The following IMMP2L variants were observed in gnomAD, a reference collection of about 807,000 sequenced individuals.
IMMP2L encodes mitochondrial inner membrane protease subunit 2.
A neutral mutation model predicts 19.3 loss-of-function variants in IMMP2L; 18 were observed. The observed-to-expected ratio is 0.93, with a 90% CI of 0.64 to 1.38. The LOEUF is 1.38. Ranked by LOEUF, IMMP2L falls within the 40% of genes most tolerant of loss-of-function variation. IMMP2L has a pLI of 0.00. For missense variants in IMMP2L, 233 were observed against 218.2 expected (o/e 1.07, Z -0.43); for synonymous variants, 76 against 73.0 (o/e 1.04, Z -0.21).
At chr7:111,424,279 A>G (rs1835866190) in intron 3 of IMMP2L, among the ~76,000 whole-genome samples, 1 of 151,784 alleles carries the variant, frequency 6.6e-6, no homozygotes, top group Non-Finnish European at 1.5e-5. Flanking sequence ...ATATCTGTTT[A>G]AGTAGCCAGG....
chr7:111,061,065 C>T (rs1280892343), intron 3 of IMMP2L, among the ~76,000 whole-genome samples: 1 of 152,154 alleles, frequency 6.6e-6, no homozygotes, highest in Non-Finnish European at 1.5e-5. Context: ...TTCATGGTTG[C>T]ATTCCTAAAA....
intron 1 of IMMP2L, among the ~76,000 whole-genome samples, chr7:111,526,041 G>A (rs1437440456): frequency 6.6e-6 from 1 of 151,454 alleles, no homozygotes; most frequent in African/African-American, 2.4e-5. Flanking sequence ...GGTAAAAGCA[G>A]TAACATATAT....
intron 4 of IMMP2L, among the ~76,000 whole-genome samples, chr7:110,914,701 C>G (rs1276171766): frequency 4.6e-5 from 7 of 152,144 alleles, no homozygotes; most frequent in African/African-American, 1.2e-4. Context: ...TCTTATTCTT[C>G]TCAATGCCTC....
chr7:111,282,257 G>T (rs1213550319), intron 3 of IMMP2L, among the ~76,000 whole-genome samples: 1 of 152,158 alleles, frequency 6.6e-6, no homozygotes, highest in Non-Finnish European at 1.5e-5. Flanking sequence ...CGTGAAACTG[G>T]TTAAACAAAT....
intron 3 of IMMP2L, among the ~76,000 whole-genome samples, chr7:111,080,690 A>G (rs1241508135): frequency 2.0e-5 from 3 of 152,144 alleles, no homozygotes; most frequent in Non-Finnish European, 4.4e-5. Context: ...GGATCATCTT[A>G]TAAATGCTGA....
chr7:111,557,942 A>G (rs1264340621), intron 1 of IMMP2L, among the ~76,000 whole-genome samples: 1 of 152,134 alleles, frequency 6.6e-6, no homozygotes, highest in Admixed American at 6.5e-5. Context: ...AAGAACGTAC[A>G]GACATCTTTA....
At chr7:111,097,286 C>A (rs899206646) in intron 3 of IMMP2L, 1 of 151,958 alleles carries the variant, frequency 6.6e-6, no homozygotes, top group Non-Finnish European at 1.5e-5. Context: ...ATTAAGCCCC[C>A]TAACGTGAAG....
chr7:111,338,836 G>A (rs1826728011), intron 3 of IMMP2L, among the ~76,000 whole-genome samples: 1 of 152,058 alleles, frequency 6.6e-6, no homozygotes, highest in Non-Finnish European at 1.5e-5. Context: ...CCCCAATATT[G>A]CATGCATGTG....
At chr7:110,956,157 C>G (rs2045796409) in intron 4 of IMMP2L, among the ~76,000 whole-genome samples, 1 of 151,904 alleles carries the variant, frequency 6.6e-6, no homozygotes, top group Non-Finnish European at 1.5e-5. Context: ...TTGCTAATAC[C>G]AGAAAGTTGT....
At chr7:111,222,326 A>T (rs1812605358) in intron 3 of IMMP2L, among the ~76,000 whole-genome samples, 1 of 152,016 alleles carries the variant, frequency 6.6e-6, no homozygotes, top group Non-Finnish European at 1.5e-5. Context: ...ACAAAACAAA[A>T]AAACTCTGCC....
intron 1 of IMMP2L, among the ~76,000 whole-genome samples, chr7:111,548,644 T>C (rs555205678): frequency 1.1e-4 from 17 of 152,266 alleles, no homozygotes; most frequent in African/African-American, 4.1e-4. Flanking sequence ...AGTGTATAGT[T>C]TTTTTTATAA....
At chr7:110,788,011 G>C (rs1392846678) in intron 5 of IMMP2L, among the ~76,000 whole-genome samples, 2 of 151,966 alleles carry the variant, frequency 1.3e-5, no homozygotes, top group East Asian at 3.9e-4. Context: ...GCCTGCTCAA[G>C]GACTTTGCTC....
chr7:111,397,424 T>C (rs1034015577), intron 3 of IMMP2L, among the ~76,000 whole-genome samples: 9 of 152,152 alleles, frequency 5.9e-5, no homozygotes, highest in Admixed American at 1.3e-4. Flanking sequence ...CATCCCTTTA[T>C]CTTTGCTCTG....
In IMMP2L at chr7:111,186,483, C is replaced by T. The variant is rs1484266903; in HGVS notation, c.240-222918G>A. On this transcript the variant is annotated intron_variant, in intron 3 of 5. Coordinates refer to ENST00000405709, the MANE Select transcript of IMMP2L (RefSeq NM_032549.4). ...TTGCCCAAGCTGGAGTGCAATGGCA[C>T]GATCTCAGCTCACTGCAGCCTCCAC... 2.6e-5 allele frequency among the ~76,000 whole-genome samples: 4 copies of T among 151,948 alleles called. No homozygotes were observed. In the East Asian group the frequency reaches 5.8e-4, roughly 22 times the overall value.
intron 4 of IMMP2L, among the ~76,000 whole-genome samples, chr7:110,913,364 A>G (rs1190072287): frequency 6.6e-6 from 1 of 152,186 alleles, no homozygotes; most frequent in Non-Finnish European, 1.5e-5. Context: ...GAATTCACAA[A>G]ATAATTGACA....
At chr7:110,674,621 C>T (rs1792160282) in intron 5 of IMMP2L, among the ~76,000 whole-genome samples, 1 of 152,094 alleles carries the variant, frequency 6.6e-6, no homozygotes. Flanking sequence ...ATTAAATTAC[C>T]TACAATTATG....
chr7:111,235,560 A>T (rs1311886983), intron 3 of IMMP2L, among the ~76,000 whole-genome samples: 1 of 151,532 alleles, frequency 6.6e-6, no homozygotes, highest in African/African-American at 2.4e-5. Flanking sequence ...ACTGTTTCCA[A>T]AGCAAAGACT....
At chr7:111,129,478 T>C (rs1486617747) in intron 3 of IMMP2L, among the ~76,000 whole-genome samples, 2 of 151,734 alleles carry the variant, frequency 1.3e-5, no homozygotes, top group Non-Finnish European at 2.9e-5. Flanking sequence ...CAAAAGGATA[T>C]TTTGCAATCA....
chr7:111,373,305 A>G (rs1049143412), intron 3 of IMMP2L, among the ~76,000 whole-genome samples: 3 of 152,080 alleles, frequency 2.0e-5, no homozygotes, highest in African/African-American at 7.2e-5. Context: ...GTGGCATCTG[A>G]GGAATAAAGG....
Sources: allele counts gnomAD v4.1 joint callset (sites outside exome capture counted in the v4.1 genomes callset), GRCh38; gene constraint gnomAD v4.1.1; transcripts MANE v1.5; gene names NCBI Gene and HGNC (gene_info 2026-07-23, HGNC 2026-07-21).